SNX25: variants seen among roughly 807,000 people sequenced by gnomAD.
SNX25 encodes the protein sorting nexin-25.
In SNX25, 62 loss-of-function variants were observed where a neutral mutation model predicts 113.7. The ratio of observed to expected loss-of-function variants is 0.55; its 90% CI spans 0.44 to 0.67. The LOEUF is 0.67. SNX25 is among the 30% of genes least tolerant of loss of function. The pLI is 0.00. For synonymous variants in SNX25, 421 were observed against 436.2 expected (o/e 0.97, Z 0.43); for missense variants, 1,014 against 1,161.0 (o/e 0.87, Z 1.84).
chr4:185,205,331 G>A (rs1737141692), upstream of SNX25, among the ~76,000 whole-genome samples: 1 of 152,096 alleles, frequency 6.6e-6, no homozygotes, highest in South Asian at 2.1e-4. Flanking sequence ...ACGTGAGCCT[G>A]TAGTCCCAGC....
chr4:185,311,462 G>A (rs1219657759), intron 7 of SNX25, among the ~76,000 whole-genome samples: 3 of 152,114 alleles, frequency 2.0e-5, no homozygotes, highest in African/African-American at 7.2e-5. Context: ...CTCAGTACCT[G>A]TCCTAACTCT....
At chr4:185,239,478 T>C (rs1332482904) in intron 1 of SNX25, among the ~76,000 whole-genome samples, 2 of 152,092 alleles carry the variant, frequency 1.3e-5, no homozygotes, top group Admixed American at 6.5e-5. Context: ...TGAGACTCCG[T>C]CTCAAAAAGA....
At chr4:185,242,866 CA>C (rs1417137571) in intron 1 of SNX25, among the ~76,000 whole-genome samples, 1 of 152,302 alleles carries the variant, frequency 6.6e-6, no homozygotes, top group East Asian at 1.9e-4. Context: ...AGTTAGGAGC[CA>C]GGAACCCTGG....
rs534374146 is a variant in SNX25, at chr4:185,360,676, C to T, written c.2652-1248C>T. Among the ~76,000 whole-genome samples, 12 of 152,138 alleles carry T rather than the reference C, an allele frequency of 7.9e-5. No homozygotes were observed. The South Asian group carries it at 1.0e-3, about 13-fold the overall frequency. ...AATGTGACCAATGACTGGCCGGGTG[C>T]GGTGGCTCACGCCTGTAATCCCAGC... On this transcript the variant is annotated intron_variant, in intron 16 of 18. Coordinates refer to ENST00000652585, the MANE Select transcript of SNX25 (RefSeq NM_001378034.2).
chr4:185,240,861 G>A (rs1000877582), intron 1 of SNX25, among the ~76,000 whole-genome samples: 1 of 150,694 alleles, frequency 6.6e-6, no homozygotes, highest in Admixed American at 6.6e-5. Flanking sequence ...GGGCAGAGAC[G>A]CTCCTCACAT....
chr4:185,237,480 C>T (rs974369708), intron 1 of SNX25, among the ~76,000 whole-genome samples: 13 of 152,080 alleles, frequency 8.5e-5, no homozygotes, highest in South Asian at 2.1e-4. Flanking sequence ...TCAACCCCTC[C>T]GTGCTTTTAT....
At chr4:185,362,569 A>C (rs764947227) in intron 17 of SNX25, 42 bp from the exon 18 acceptor site, 8 of 1,568,658 alleles carry the variant, frequency 5.1e-6, no homozygotes, top group Non-Finnish European at 7.0e-6. Flanking sequence ...TGCACTGAGC[A>C]CTTTATCAAT....
chr4:185,367,302 TC>T, downstream of SNX25: 5 of 1,412,456 alleles, frequency 3.5e-6, no homozygotes, highest in South Asian at 1.3e-5. Flanking sequence ...GGGTCTTTCT[TC>T]TTTTTTTTTT....
chr4:185,302,100 GT>G (rs35963129), intron 6 of SNX25, among the ~76,000 whole-genome samples: 58 of 129,870 alleles, frequency 4.5e-4, no homozygotes, highest in Non-Finnish European at 6.4e-4. Context: ...TGTTTTTTTT[GT>G]TTTTTTTTTT....
chr4:185,370,760 GT>G, downstream of SNX25: 1 of 1,614,156 alleles, frequency 6.2e-7, no homozygotes, highest in Non-Finnish European at 8.5e-7. Flanking sequence ...CCGGGAGACA[GT>G]CTGTGACCTG....
chr4:185,357,184 A>G (rs1317253198), intron 15 of SNX25, among the ~76,000 whole-genome samples: 1 of 152,170 alleles, frequency 6.6e-6, no homozygotes, highest in African/African-American at 2.4e-5. Flanking sequence ...AATGCGTAGT[A>G]TATATAAAGT....
At chr4:185,226,560 C>T (rs1741026948) in intron 1 of SNX25, among the ~76,000 whole-genome samples, 1 of 152,198 alleles carries the variant, frequency 6.6e-6, no homozygotes, top group Non-Finnish European at 1.5e-5. Context: ...AAGCAGTCCT[C>T]CCACCTCAAC....
chr4:185,216,768 G>A (rs1327000558), intron 1 of SNX25, among the ~76,000 whole-genome samples: 7 of 151,974 alleles, frequency 4.6e-5, no homozygotes, highest in African/African-American at 7.2e-5. Context: ...TGATCCACCC[G>A]CCTTGGCCTC....
chr4:185,304,269 C>T (rs565026769), intron 6 of SNX25, among the ~76,000 whole-genome samples: 1 of 152,326 alleles, frequency 6.6e-6, no homozygotes, highest in South Asian at 2.1e-4. Flanking sequence ...ACTGCAGCCT[C>T]GACCTGCTGG....
At chr4:185,358,867 AT>A (rs1451876327) in intron 16 of SNX25, among the ~76,000 whole-genome samples, 3 of 152,334 alleles carry the variant, frequency 2.0e-5, no homozygotes, top group African/African-American at 7.2e-5. Flanking sequence ...AAATTATCAG[AT>A]TTTCCCAAGT....
Position 185,363,712 on chromosome 4 carries a change from CA to C in SNX25, c.*250del, listed in dbSNP as rs2095376655. ...AAAGATCAACATACCGATTGAAATA[CA>C]AATGTTAATATGTGAGAACCTAGGA... On this transcript the variant is annotated 3_prime_UTR_variant, in exon 19 of 19. Coordinates refer to ENST00000652585, the MANE Select transcript of SNX25 (RefSeq NM_001378034.2). The surrounding 1 kb of genome is among the most constrained non-coding windows in gnomAD (Gnocchi z 4.2). The C allele has an allele frequency of 2.9e-6, 1 of 343,146 alleles. No individual in the cohort carries two copies. Among genetic ancestry groups the C allele is most frequent in the African/African-American group, 2.1e-5 (1 of 48,292 alleles). The allele number at this position is 343,146 out of a possible 1,614,324, so 21.3% of individuals were successfully genotyped here.
In SNX25 at chr4:185,264,562, C is replaced by A. The variant is rs530826664; in HGVS notation, c.856C>A (p.Gln286Lys). 8.7e-6 allele frequency: 14 copies of A among 1,614,014 alleles called. No individual in the cohort carries two copies. In the South Asian group the frequency reaches 1.5e-4, roughly 18 times the overall value. The change falls in exon 4 of 19, where the codon CAG becomes AAG. Residue 286 changes from glutamine (Q) to lysine (K), a missense_variant. Physicochemically the swap from Gln to Lys is moderately conservative, Grantham distance 53. Coordinates refer to ENST00000652585, the MANE Select transcript of SNX25 (RefSeq NM_001378034.2). ...TTGTCTCCTCCCCTCAAAGGATGTG[C>A]AGTCTCTCAGCTTACGTATAATGCT... is the stretch of plus-strand genomic sequence containing the variant. ...VFCLLPSKDV[Q>K]SLSLRIMLAE...
Position 185,351,616 on chromosome 4 carries a change from CG to C in SNX25, c.2466+8del. On this transcript the variant is annotated splice_region_variant and intron_variant, in intron 14 of 18. Coordinates refer to ENST00000652585, the MANE Select transcript of SNX25 (RefSeq NM_001378034.2). ...CTTCTTCTCCCACCAGGAGGTGAGC[CG>C]TTGAAAGAGTGAACCACTTTTGTAG... 6.2e-7 allele frequency: 1 copy of C among 1,613,136 alleles called. No homozygotes were observed.
chr4:185,315,693 G>A (rs1321511534), intron 7 of SNX25, among the ~76,000 whole-genome samples: 1 of 152,026 alleles, frequency 6.6e-6, no homozygotes, highest in Non-Finnish European at 1.5e-5. Context: ...CTCATCCTAG[G>A]AGGAGACTAG....
Sources: allele counts gnomAD v4.1 joint callset (sites outside exome capture counted in the v4.1 genomes callset), GRCh38; gene constraint gnomAD v4.1.1; non-coding constraint Gnocchi (gnomAD v3.1); transcripts MANE v1.5; gene names NCBI Gene and HGNC (gene_info 2026-07-23, HGNC 2026-07-21).